CDYL2: variants seen among roughly 807,000 people sequenced by gnomAD.
CDYL2 encodes chromodomain Y like 2.
In CDYL2, 23 loss-of-function variants were observed where a neutral mutation model predicts 49.4. The ratio of observed to expected loss-of-function variants is 0.47; its 90% CI spans 0.34 to 0.66. The LOEUF (loss-of-function observed/expected upper bound fraction) is 0.66. Among genes scored for constraint, CDYL2 ranks in the 30% least tolerant of loss-of-function variants. CDYL2 has a pLI of 0.01. For missense variants in CDYL2, 678 were observed against 656.4 expected (o/e 1.03, Z -0.36); for synonymous variants, 360 against 268.8 (o/e 1.34, Z -3.32).
At position 80,612,743 on chromosome 16, in the gene CDYL2, G is replaced by C. The variant is rs750039441; in HGVS notation, c.1101C>G (p.Leu367=). The C allele has an allele frequency of 2.5e-6, 4 of 1,613,688 alleles. No individual in the cohort carries two copies. Among genetic ancestry groups the C allele is most frequent in the Non-Finnish European group, 3.4e-6 (4 of 1,180,022 alleles). Residue 367 remains leucine (L), a synonymous_variant, in exon 5 of 7, where the codon CTC becomes CTG. Coordinates refer to ENST00000570137, the MANE Select transcript of CDYL2 (RefSeq NM_152342.4). The surrounding 1 kb of genome is among the most constrained non-coding windows in gnomAD (Gnocchi z 5.0). The stretch of plus-strand genomic sequence containing the variant: ...TCTCACTGGCCCACACGATGTCACA[G>C]AGGGGCAGGATGGAGGCACCCAGGC... ...ALGLGASILP[L]CDIVWASEKA...
chr16:80,766,407 T>C (rs552653235), intron 1 of CDYL2, among the ~76,000 whole-genome samples: 1 of 152,242 alleles, frequency 6.6e-6, no homozygotes, highest in East Asian at 1.9e-4. Context: ...CACCTAAAAT[T>C]TACTGAAGGC....
At chr16:80,729,081 T>A (rs200936146) in intron 1 of CDYL2, among the ~76,000 whole-genome samples, 104 of 151,014 alleles carry the variant, frequency 6.9e-4, no homozygotes, top group Non-Finnish European at 1.3e-3. Flanking sequence ...TAATGACAGG[T>A]TCAAATTCAC....
At chr16:80,689,070 A>G (rs934396509) in intron 1 of CDYL2, among the ~76,000 whole-genome samples, 4 of 134,692 alleles carry the variant, frequency 3.0e-5, no homozygotes, top group African/African-American at 1.2e-4. Context: ...ATTTGCACAT[A>G]TGAATGAATG....
chr16:80,704,031 G>T (rs962994797), intron 1 of CDYL2, among the ~76,000 whole-genome samples: 12 of 152,186 alleles, frequency 7.9e-5, no homozygotes, highest in Non-Finnish European at 1.6e-4. Context: ...GGAAGATTGG[G>T]AGGTGAAGGT....
intron 1 of CDYL2, among the ~76,000 whole-genome samples, chr16:80,722,958 G>A (rs1905048228): frequency 6.6e-6 from 1 of 152,264 alleles, no homozygotes; most frequent in Non-Finnish European, 1.5e-5. Flanking sequence ...TAGAGGGCAA[G>A]GAGGATTTCC....
Position 80,612,292 on chromosome 16 carries a change from CAA to C in CDYL2, c.1218+332_1218+333del, listed in dbSNP as rs533092756. Among the ~76,000 whole-genome samples the C allele has an allele frequency of 2.8e-4, 42 of 152,296 alleles. No homozygotes were observed. The East Asian group carries it at 7.3e-3, about 27-fold the overall frequency. ...GCCCCTACACCTATGCTGGACCACT[CAA>C]GAGGATGAAGGCAAGTTTTGTTGTT... On this transcript the variant is annotated intron_variant, in intron 5 of 6. Transcript: ENST00000570137. The surrounding 1 kb of genome is among the most constrained non-coding windows in gnomAD (Gnocchi z 5.0).
At chr16:80,779,030 G>A (rs887629646) in intron 1 of CDYL2, among the ~76,000 whole-genome samples, 4 of 151,774 alleles carry the variant, frequency 2.6e-5, no homozygotes, top group African/African-American at 9.7e-5. Flanking sequence ...AAAAGACTAA[G>A]AATAAATGCT....
intron 1 of CDYL2, among the ~76,000 whole-genome samples, chr16:80,728,231 C>T (rs1008776995): frequency 5.3e-5 from 8 of 151,878 alleles, no homozygotes; most frequent in African/African-American, 1.5e-4. Context: ...ACTAGAATAA[C>T]CAATACAGAG....
chr16:80,709,949 A>G (rs1904537881), intron 1 of CDYL2, among the ~76,000 whole-genome samples: 1 of 145,920 alleles, frequency 6.9e-6, no homozygotes, highest in African/African-American at 2.6e-5. Flanking sequence ...TTTTTTTAAC[A>G]TGGAGTTTCA....
chr16:80,745,302 T>C (rs1244899172), intron 1 of CDYL2, among the ~76,000 whole-genome samples: 2 of 152,114 alleles, frequency 1.3e-5, no homozygotes, highest in Non-Finnish European at 2.9e-5. Flanking sequence ...CCTGAGCAAC[T>C]GGAAAAGCCG....
intron 1 of CDYL2, among the ~76,000 whole-genome samples, chr16:80,692,810 A>G (rs540379429): frequency 3.3e-5 from 5 of 152,340 alleles, no homozygotes; most frequent in Admixed American, 3.3e-4. Flanking sequence ...CACTAGAGTA[A>G]CATGTTTGTG....
chr16:80,616,344 C>T (rs1254353338), intron 4 of CDYL2, among the ~76,000 whole-genome samples: 1 of 152,148 alleles, frequency 6.6e-6, no homozygotes, highest in Non-Finnish European at 1.5e-5. Flanking sequence ...GCACGCGATC[C>T]CTGCTGCTAT....
At position 80,630,650 on chromosome 16, in the gene CDYL2, G is replaced by A. The variant is rs115099748; in HGVS notation, c.834+2369C>T. 3.7e-3 allele frequency among the ~76,000 whole-genome samples: 559 copies of A among 152,146 alleles called. 4 individuals are homozygous for A. Among genetic ancestry groups the A allele is most frequent in the African/African-American group, 0.013 (540 of 41,480 alleles). On this transcript the variant is annotated intron_variant, in intron 3 of 6. Transcript: ENST00000570137. ...AGGGATGCTTCTGTTACAGGCGGAG[G>A]ATGGAGAGGCCCCCAAAACACCATG... is the stretch of plus-strand genomic sequence containing the variant.
chr16:80,638,344 G>A (rs549680394), intron 2 of CDYL2, among the ~76,000 whole-genome samples: 1 of 152,108 alleles, frequency 6.6e-6, no homozygotes, highest in East Asian at 1.9e-4. Context: ...CAAAGTGCTG[G>A]GATTATAGGC....
intron 1 of CDYL2, among the ~76,000 whole-genome samples, chr16:80,732,107 TGA>T (rs1905347029): frequency 2.0e-5 from 3 of 152,340 alleles, no homozygotes; most frequent in Admixed American, 1.3e-4. Flanking sequence ...ATGCAAATTA[TGA>T]GAGTCATCAT....
At chr16:80,719,696 C>T (rs1904934137) in intron 1 of CDYL2, among the ~76,000 whole-genome samples, 1 of 152,172 alleles carries the variant, frequency 6.6e-6, no homozygotes, top group Non-Finnish European at 1.5e-5. Flanking sequence ...ATGTCTTGTC[C>T]TCTCTACTGT....
intron 2 of CDYL2, among the ~76,000 whole-genome samples, chr16:80,655,850 G>A (rs1441777802): frequency 1.3e-5 from 2 of 152,192 alleles, no homozygotes; most frequent in African/African-American, 4.8e-5. Context: ...CTCTCACCGA[G>A]CAGTCCTCGA....
intron 1 of CDYL2, among the ~76,000 whole-genome samples, chr16:80,792,313 G>C (rs920573350): frequency 6.6e-6 from 1 of 152,156 alleles, no homozygotes; most frequent in African/African-American, 2.4e-5. Context: ...AATGTTTAAG[G>C]AACAGGCAGC....
At chr16:80,696,720 A>T (rs909066411) in intron 1 of CDYL2, among the ~76,000 whole-genome samples, 1 of 139,306 alleles carries the variant, frequency 7.2e-6, no homozygotes, top group East Asian at 2.0e-4. Context: ...GAAGAGTAAT[A>T]AAAAAAAAAA....
Sources: gnomAD v4.1 joint callset for allele counts (sites outside exome capture counted in the v4.1 genomes callset) on GRCh38, gnomAD v4.1.1 for gene constraint, Gnocchi (gnomAD v3.1) non-coding constraint, MANE v1.5 for transcripts, NCBI Gene and HGNC (gene_info 2026-07-23, HGNC 2026-07-21) for gene names.